ACTR3B: variants seen among roughly 807,000 people sequenced by gnomAD.
ACTR3B encodes the protein actin related protein 3B, also known as actin-related protein 3B.
In ACTR3B, 8 loss-of-function variants were observed where a neutral mutation model predicts 59.0. The observed-to-expected ratio is 0.14, with a 90% CI of 0.08 to 0.24. ACTR3B has a LOEUF of 0.24. Ranked by LOEUF, ACTR3B falls within the 10% of genes least tolerant of loss-of-function variation. The pLI, the probability that ACTR3B is intolerant of heterozygous loss-of-function variation, is 1.00. For missense variants in ACTR3B, 245 were observed against 552.3 expected, an observed-to-expected ratio of 0.44 and a Z score of 5.58; for synonymous variants, 148 against 197.9, an observed-to-expected ratio of 0.75 and a Z score of 2.12.
At chr7:152,836,684 T>A (rs1357501485) in intron 9 of ACTR3B, among the ~76,000 whole-genome samples, 1 of 152,158 alleles carries the variant, frequency 6.6e-6, no homozygotes, top group East Asian at 1.9e-4. Context: ...ATTAGATGAA[T>A]AGGGCATTTT....
rs1475646842 is a variant in ACTR3B at position 152,824,247 on chromosome 7, G to A, written c.858+732G>A. The stretch of plus-strand genomic sequence containing the variant: ...TGTACAGAGAAACAGCATAGAATGT[G>A]TTCCTCGCTAGTAATCTGAATAATA... On this transcript the variant is annotated intron_variant, in intron 8 of 11. Coordinates refer to ENST00000256001, the MANE Select transcript of ACTR3B (RefSeq NM_020445.6). This position sits in a 1 kb window ranked among gnomAD's most constrained non-coding sequence, Gnocchi z 4.2. 6.6e-6 allele frequency among the ~76,000 whole-genome samples: 1 copy of A among 152,164 alleles called. No homozygotes were observed. Among genetic ancestry groups the A allele is most frequent in the African/African-American group, 2.4e-5 (1 of 41,438 alleles).
rs142172879 is a variant in ACTR3B at position 152,794,222 on chromosome 7, A to G, written c.101-6309A>G. Among the ~76,000 whole-genome samples, 1,248 of 151,440 alleles carry G rather than the reference A, an allele frequency of 8.2e-3. 20 individuals are homozygous for G. The highest frequency in any genetic ancestry group is 0.029 in the African/African-American group (1,187 of 41,194). On this transcript the variant is annotated intron_variant, in intron 2 of 11. Coordinates refer to ENST00000256001, the MANE Select transcript of ACTR3B (RefSeq NM_020445.6). Reference sequence around the variant, plus strand: ...TTTATTTTTATTTTTATTCTTTTTGATTATTATTATTTTTTACACAGAGTC... The same window carrying G: ...TTTATTTTTATTTTTATTCTTTTTGGTTATTATTATTTTTTACACAGAGTC...
chr7:152,821,578 G>A (rs866947893), intron 7 of ACTR3B, among the ~76,000 whole-genome samples: 4 of 152,234 alleles, frequency 2.6e-5, no homozygotes, highest in African/African-American at 7.2e-5. Flanking sequence ...ACACTGCCAC[G>A]GAGGGGCTTT....
At chr7:152,780,832 T>C (rs2098150439) in intron 1 of ACTR3B, among the ~76,000 whole-genome samples, 1 of 150,032 alleles carries the variant, frequency 6.7e-6, no homozygotes, top group Admixed American at 6.7e-5. Flanking sequence ...TTTGTTTTTT[T>C]TAACTTTTCA....
At chr7:152,820,873 T>C (rs1362307418) in intron 7 of ACTR3B, among the ~76,000 whole-genome samples, 1 of 152,256 alleles carries the variant, frequency 6.6e-6, no homozygotes, top group Non-Finnish European at 1.5e-5. Flanking sequence ...CGTGTGGCCA[T>C]AAGCATCTTC....
At chr7:152,766,946 C>T (rs539383469) in intron 1 of ACTR3B, among the ~76,000 whole-genome samples, 6 of 152,172 alleles carry the variant, frequency 3.9e-5, no homozygotes, top group South Asian at 2.1e-4. Flanking sequence ...GCCACCACAT[C>T]GGGCTAATTT....
intron 7 of ACTR3B, 110 bp downstream of exon 7, chr7:152,820,552 C>T: frequency 6.8e-7 from 1 of 1,471,056 alleles, no homozygotes. Context: ...CTCCCCTTCC[C>T]ATGAATGTGG....
At chr7:152,831,762 T>C (rs1022755884) in intron 9 of ACTR3B, among the ~76,000 whole-genome samples, 1 of 152,130 alleles carries the variant, frequency 6.6e-6, no homozygotes, top group African/African-American at 2.4e-5. Flanking sequence ...TTAGCCTCCC[T>C]GGACCTCATG....
chr7:152,830,961 T>C (rs1796980729), intron 9 of ACTR3B, among the ~76,000 whole-genome samples: 1 of 152,258 alleles, frequency 6.6e-6, no homozygotes, highest in South Asian at 2.1e-4. Context: ...ATAGGTCTTT[T>C]ATTCAGATGA....
Position 152,853,544 on chromosome 7 carries a change from CG to C in ACTR3B, c.1129del (p.Val377CysfsTer88). The C allele has an allele frequency of 6.2e-7, 1 of 1,613,872 alleles. No homozygotes were observed. Among genetic ancestry groups the C allele is most frequent in the Non-Finnish European group, 8.5e-7 (1 of 1,179,950 alleles). ...TCACGCATCACATGCAGCGCTACGC[CG>C]TGTGGTTCGGAGGCTCCATGCTGGC... Reference protein sequence around the residue: ...VVTHHMQRYAVWFGGSMLAST... With the variant: ...VVTHHMQRYAXWFGGSMLAST... On this transcript the variant is annotated frameshift_variant, in exon 11 of 12. Transcript: ENST00000256001. LOFTEE classifies it high-confidence loss of function.
At chr7:152,792,464 CAT>C (rs1183616068) in intron 2 of ACTR3B, among the ~76,000 whole-genome samples, 2 of 151,350 alleles carry the variant, frequency 1.3e-5, no homozygotes, top group Non-Finnish European at 2.9e-5. Flanking sequence ...ATTAAAGAAA[CAT>C]AGGCCGGGCA....
At chr7:152,841,717 A>G (rs965256908) in intron 9 of ACTR3B, among the ~76,000 whole-genome samples, 5 of 152,176 alleles carry the variant, frequency 3.3e-5, no homozygotes, top group African/African-American at 1.2e-4. Flanking sequence ...AACATTGAGA[A>G]ATGAAGAGTT....
intron 1 of ACTR3B, among the ~76,000 whole-genome samples, chr7:152,764,562 C>T (rs186910563): frequency 0.025 from 3,781 of 151,152 alleles, 155 homozygotes; most frequent in African/African-American, 0.085. Flanking sequence ...GCAGGAGGAT[C>T]GCTTGAACCA....
chr7:152,848,733 G>C (rs1318250851), intron 9 of ACTR3B, among the ~76,000 whole-genome samples: 2 of 152,172 alleles, frequency 1.3e-5, no homozygotes, highest in Non-Finnish European at 2.9e-5. Flanking sequence ...ATGGTAACTA[G>C]GTATGCAGTG....
intron 9 of ACTR3B, among the ~76,000 whole-genome samples, chr7:152,834,489 T>C (rs1797285268): frequency 6.6e-6 from 1 of 152,252 alleles, no homozygotes; most frequent in Non-Finnish European, 1.5e-5. Flanking sequence ...CTTTCCCTTT[T>C]ATTTTCATGA....
chr7:152,762,078 C>G (rs1441234763), intron 1 of ACTR3B, among the ~76,000 whole-genome samples: 1 of 152,116 alleles, frequency 6.6e-6, no homozygotes, highest in Admixed American at 6.6e-5. Context: ...ATAGTGGGCA[C>G]TAATGATTTA....
intron 1 of ACTR3B, among the ~76,000 whole-genome samples, chr7:152,773,407 T>C (rs1466571923): frequency 6.6e-6 from 1 of 152,020 alleles, no homozygotes; most frequent in Non-Finnish European, 1.5e-5. Flanking sequence ...GCCAACATGG[T>C]GAAACCCCGT....
intron 3 of ACTR3B, 115 bp from the exon 4 acceptor site, chr7:152,801,506 G>T (rs1246428391): frequency 7.5e-7 from 1 of 1,339,630 alleles, no homozygotes; most frequent in Non-Finnish European, 1.0e-6. Flanking sequence ...AACAAAAACT[G>T]CAATAAGAAG....
chr7:152,791,768 A>AC (rs1236206811), intron 2 of ACTR3B, among the ~76,000 whole-genome samples: 2 of 151,976 alleles, frequency 1.3e-5, no homozygotes, highest in Non-Finnish European at 2.9e-5. Flanking sequence ...CCTAACCACT[A>AC]CTCTGTTTTC....
Sources: allele counts gnomAD v4.1 joint callset (sites outside exome capture counted in the v4.1 genomes callset), GRCh38; gene constraint gnomAD v4.1.1; non-coding constraint Gnocchi (gnomAD v3.1); transcripts MANE v1.5; gene names NCBI Gene and HGNC (gene_info 2026-07-23, HGNC 2026-07-21).